The following GFM2 variants were observed in gnomAD, a reference collection of about 807,000 sequenced individuals.
GFM2 encodes ribosome-releasing factor 2, mitochondrial.
Under a neutral mutation model 95.4 loss-of-function variants are expected in GFM2, and 72 were observed. That is an observed-to-expected ratio of 0.76 (90% CI 0.62 to 0.92). The LOEUF is 0.92. GFM2 is among the 40% of genes least tolerant of loss of function. The pLI, the probability that GFM2 is intolerant of heterozygous loss-of-function variation, is 0.00. For synonymous variants in GFM2, 276 were observed against 317.5 expected (o/e 0.87, Z 1.39); for missense variants, 825 against 924.1 (o/e 0.89, Z 1.39).
chr5:74,725,522 A>G (rs1750104768), intron 19 of GFM2, 118 bp downstream of exon 19: 2 of 600,460 alleles, frequency 3.3e-6, no homozygotes, highest in Admixed American at 5.9e-5. Flanking sequence ...TGTTGACCAC[A>G]AGGCTGAGGA....
In GFM2 at chr5:74,759,010, T is replaced by A. The variant is rs544105940; in HGVS notation, c.207-64A>T. ...TTGTAAAACCAAAGTATATATGCTA[T>A]CCAAATTTCAAAGCTGGTATTTCTA... On this transcript the variant is annotated intron_variant, in intron 4 of 20. Coordinates refer to ENST00000296805, the MANE Select transcript of GFM2 (RefSeq NM_032380.5). 11 of 938,308 alleles carry A rather than the reference T, an allele frequency of 1.2e-5. No individual in the cohort carries two copies. In the South Asian group the frequency reaches 1.2e-4, roughly 11 times the overall value. 58.1% of individuals were successfully genotyped at this position (938,308 alleles called of 1,614,324 possible).
chr5:74,736,102 T>C (rs1742817597), intron 15 of GFM2, among the ~76,000 whole-genome samples: 1 of 152,198 alleles, frequency 6.6e-6, no homozygotes, highest in Non-Finnish European at 1.5e-5. Context: ...GGATCCCTGA[T>C]AACATTGTGG....
At chr5:74,741,471 A>G (rs1368150975) in intron 11 of GFM2, 58 bp downstream of exon 11, 1 of 813,486 alleles carries the variant, frequency 1.2e-6, no homozygotes, top group Non-Finnish European at 2.1e-6. Flanking sequence ...AAGGCAGAGA[A>G]ATCAAACTAC....
At chr5:74,731,651 T>C (rs1742565697) in intron 16 of GFM2, among the ~76,000 whole-genome samples, 2 of 152,228 alleles carry the variant, frequency 1.3e-5, no homozygotes, top group Non-Finnish European at 2.9e-5. Flanking sequence ...AGGACTGCTA[T>C]ACTTTAAGTT....
chr5:74,724,425 C>T (rs527750819), intron 19 of GFM2, among the ~76,000 whole-genome samples: 1 of 151,400 alleles, frequency 6.6e-6, no homozygotes, highest in Admixed American at 6.6e-5. Flanking sequence ...ACTGCTTGAG[C>T]CCAGGAGTTC....
At chr5:74,723,474 GTAAGATT>G (rs1467645592) in intron 19 of GFM2, among the ~76,000 whole-genome samples, 2 of 152,088 alleles carry the variant, frequency 1.3e-5, no homozygotes, top group Non-Finnish European at 2.9e-5. Flanking sequence ...CAAGTAAGCT[GTAAGATT>G]TTTTTTGTTT....
In GFM2 at chr5:74,732,978, A is replaced by ACACACACACACT. The variant is rs757708241; in HGVS notation, c.1587+43_1587+44insAGTGTGTGTGTG. ...CACACACACACACACACACACACAC[A>ACACACACACACT]CTCTTATAGAAAGGCTTCTGGAGTT... On this transcript the variant is annotated intron_variant, in intron 16 of 20. Transcript: ENST00000296805. The ACACACACACACT allele has an allele frequency of 3.2e-5, 30 of 946,804 alleles. No individual in the cohort carries two copies. The African/African-American group carries it at 4.9e-4, about 16-fold the overall frequency. 58.7% of individuals were successfully genotyped at this position (946,804 alleles called of 1,614,324 possible).
intron 19 of GFM2, among the ~76,000 whole-genome samples, chr5:74,723,260 C>T (rs1363915165): frequency 6.6e-6 from 1 of 152,146 alleles, no homozygotes; most frequent in Non-Finnish European, 1.5e-5. Context: ...TCCTCAAAAA[C>T]GTTAAATCCT....
chr5:74,732,061 C>T (rs1248665381), intron 16 of GFM2, among the ~76,000 whole-genome samples: 1 of 151,134 alleles, frequency 6.6e-6, no homozygotes, highest in Non-Finnish European at 1.5e-5. Context: ...TTTAAGCAAC[C>T]TTCCCACCTC....
intron 17 of GFM2, among the ~76,000 whole-genome samples, chr5:74,728,621 A>C (rs1392847199): frequency 6.6e-6 from 1 of 151,944 alleles, no homozygotes; most frequent in Non-Finnish European, 1.5e-5. Flanking sequence ...TCATAATTCC[A>C]ATAACTGAAG....
At position 74,725,310 on chromosome 5, in the gene GFM2, G is replaced by A. The variant is rs184488832; in HGVS notation, c.2028+330C>T. ...TTTGGGCCAAGCTAACCTCAAATCT[G>A]GCTTCTACTCAAACCTACCATGCTT... is the stretch of plus-strand genomic sequence containing the variant. On this transcript the variant is annotated intron_variant, in intron 19 of 20. Transcript: ENST00000296805. 579 of 208,710 alleles carry A rather than the reference G, an allele frequency of 2.8e-3. 7 individuals carry two copies. The highest frequency in any genetic ancestry group is 0.013 in the African/African-American group (554 of 43,546). The allele number at this position is 208,710 out of a possible 1,614,324, so 12.9% of individuals were successfully genotyped here.
intron 2 of GFM2, 98 bp downstream of exon 2, chr5:74,763,582 A>G: frequency 3.1e-6 from 2 of 648,206 alleles, no homozygotes; most frequent in East Asian, 2.6e-5. Flanking sequence ...TGACTCAACT[A>G]AATTTGGAAT....
rs1742860264 is a variant in GFM2 at position 74,736,887 on chromosome 5, A to T, written c.1419T>A (p.Asn473Lys). The change falls in exon 15 of 21, where the codon AAT becomes AAA. Residue 473 changes from asparagine (N) to lysine (K), a missense_variant. Asn to Lys is a moderately conservative substitution (Grantham distance 94). Coordinates refer to ENST00000296805, the MANE Select transcript of GFM2 (RefSeq NM_032380.5). ...CAGCCAATAAAAGTCTCTCTGCTTCATTGTTTTGTCTGTGCTTCTTTTCTC... is the reference window on the plus strand; with the variant it reads ...CAGCCAATAAAAGTCTCTCTGCTTCTTTGTTTTGTCTGTGCTTCTTTTCTC... ...REGEKKHRQN[N>K]EAERLLLAGV... 1 of 1,613,782 alleles carries T rather than the reference A, an allele frequency of 6.2e-7. No individual in the cohort carries two copies. Among genetic ancestry groups the T allele is most frequent in the Non-Finnish European group, 8.5e-7 (1 of 1,179,838 alleles).
chr5:74,757,168 G>A (rs1390583144), intron 5 of GFM2, among the ~76,000 whole-genome samples: 1 of 151,990 alleles, frequency 6.6e-6, no homozygotes, highest in Non-Finnish European at 1.5e-5. Flanking sequence ...TAATAAACCA[G>A]TTATGATAAA....
chr5:74,751,545 T>C, intron 5 of GFM2, 52 bp from the exon 6 acceptor site: 7 of 1,408,990 alleles, frequency 5.0e-6, no homozygotes, highest in Non-Finnish European at 7.0e-6. Flanking sequence ...GTGTATTTTA[T>C]TCGTGCTCAA....
chr5:74,751,562 C>T (rs944187154), intron 5 of GFM2, 69 bp from the exon 6 acceptor site: 5 of 1,179,150 alleles, frequency 4.2e-6, no homozygotes, highest in Non-Finnish European at 6.2e-6. Flanking sequence ...TCAATATCTA[C>T]CTGACACAGT....
At chr5:74,734,875 T>A (rs1312190540) in intron 15 of GFM2, among the ~76,000 whole-genome samples, 1 of 152,192 alleles carries the variant, frequency 6.6e-6, no homozygotes, top group Non-Finnish European at 1.5e-5. Flanking sequence ...TGCCCATTAA[T>A]GAGACTTTGG....
intron 1 of GFM2, among the ~76,000 whole-genome samples, chr5:74,766,388 A>T (rs544016268): frequency 2.6e-5 from 4 of 152,366 alleles, no homozygotes; most frequent in African/African-American, 9.6e-5. Flanking sequence ...CTTTTGGTAC[A>T]GTTCTTTTTG....
chr5:74,728,412 C>T (rs555656241), intron 17 of GFM2, among the ~76,000 whole-genome samples: 1 of 152,210 alleles, frequency 6.6e-6, no homozygotes. Context: ...TCTTTATCCT[C>T]GTCATCTTTG....
Sources: allele counts gnomAD v4.1 joint callset (sites outside exome capture counted in the v4.1 genomes callset), GRCh38; gene constraint gnomAD v4.1.1; transcripts MANE v1.5; gene names NCBI Gene and HGNC (gene_info 2026-07-23, HGNC 2026-07-21).